IGF2BP2: variants seen among roughly 807,000 people sequenced by gnomAD.
The protein encoded by IGF2BP2 is insulin-like growth factor 2 mRNA-binding protein 2.
IGF2BP2 carries 17 observed loss-of-function variants against 75.8 expected under a neutral mutation model. The observed-to-expected ratio is 0.22, with a 90% CI of 0.15 to 0.34. The LOEUF (loss-of-function observed/expected upper bound fraction) is 0.34. IGF2BP2 is among the 10% of genes least tolerant of loss of function. The probability of loss-of-function intolerance (pLI) is 1.00; values close to 1 mark genes in which losing one functional copy is unlikely to be tolerated. For synonymous variants in IGF2BP2, 288 were observed against 295.6 expected (o/e 0.97, Z 0.26); for missense variants, 516 against 772.4 (o/e 0.67, Z 3.93).
At chr3:185,734,557 AG>A (rs1728608653) in intron 2 of IGF2BP2, among the ~76,000 whole-genome samples, 1 of 152,230 alleles carries the variant, frequency 6.6e-6, no homozygotes, top group Non-Finnish European at 1.5e-5. Flanking sequence ...AACGAGTGAA[AG>A]CTGGTTTTTA....
intron 2 of IGF2BP2, among the ~76,000 whole-genome samples, chr3:185,770,160 C>T (rs1733687038): frequency 6.6e-6 from 1 of 152,180 alleles, no homozygotes; most frequent in African/African-American, 2.4e-5. Context: ...CCTATGTCAA[C>T]AGAATCTACG....
At chr3:185,661,121 A>C (rs1469908229) in intron 10 of IGF2BP2, among the ~76,000 whole-genome samples, 2 of 152,228 alleles carry the variant, frequency 1.3e-5, no homozygotes, top group Non-Finnish European at 2.9e-5. Flanking sequence ...CAGGGAAAGA[A>C]TCTTGAACTT....
intron 2 of IGF2BP2, among the ~76,000 whole-genome samples, chr3:185,750,212 G>C (rs752451880): frequency 6.6e-5 from 10 of 152,304 alleles, no homozygotes; most frequent in East Asian, 5.8e-4. Flanking sequence ...ACAAAGGTCA[G>C]AGAATGCTTA....
chr3:185,699,814 G>A (rs1723053136), intron 2 of IGF2BP2, among the ~76,000 whole-genome samples: 1 of 152,044 alleles, frequency 6.6e-6, no homozygotes, highest in Admixed American at 6.6e-5. Context: ...GGACATTTGG[G>A]CCTTTTCATT....
intron 2 of IGF2BP2, among the ~76,000 whole-genome samples, chr3:185,819,250 A>AATT (rs1358135416): frequency 1.3e-5 from 2 of 152,134 alleles, no homozygotes; most frequent in African/African-American, 4.8e-5. Context: ...CACCTTTTGG[A>AATT]ATTAATGTTT....
chr3:185,695,302 T>C (rs1056750948), intron 4 of IGF2BP2, among the ~76,000 whole-genome samples: 1 of 152,198 alleles, frequency 6.6e-6, no homozygotes, highest in African/African-American at 2.4e-5. Context: ...ATGGGTTGTT[T>C]GCAATTTTTC....
intron 2 of IGF2BP2, among the ~76,000 whole-genome samples, chr3:185,790,974 CT>C (rs775531783): frequency 3.9e-5 from 6 of 152,302 alleles, no homozygotes; most frequent in Non-Finnish European, 8.8e-5. Flanking sequence ...TTTTTCATCA[CT>C]AGCATTTAAG....
chr3:185,705,087 G>T (rs192500367), intron 2 of IGF2BP2, among the ~76,000 whole-genome samples: 6 of 152,296 alleles, frequency 3.9e-5, no homozygotes, highest in Admixed American at 2.6e-4. Context: ...TAAATACTGT[G>T]GTGACCTGCT....
At chr3:185,658,292 C>G in intron 11 of IGF2BP2, 49 bp downstream of exon 11, 1 of 1,556,888 alleles carries the variant, frequency 6.4e-7, no homozygotes. Context: ...CCAAGTGGGC[C>G]TAGCCCCAGG....
intron 7 of IGF2BP2, among the ~76,000 whole-genome samples, chr3:185,686,471 A>T (rs1474348239): frequency 6.6e-6 from 1 of 152,162 alleles, no homozygotes; most frequent in Non-Finnish European, 1.5e-5. Context: ...CCATGTGTAA[A>T]CTAGTTTCTA....
intron 2 of IGF2BP2, among the ~76,000 whole-genome samples, chr3:185,815,124 C>A (rs150969470): frequency 6.6e-6 from 1 of 152,040 alleles, no homozygotes. Flanking sequence ...GTTTTTTACA[C>A]TTAACTGTCA....
At chr3:185,780,165 T>C (rs1188251292) in intron 2 of IGF2BP2, among the ~76,000 whole-genome samples, 1 of 152,194 alleles carries the variant, frequency 6.6e-6, no homozygotes, top group African/African-American at 2.4e-5. Context: ...TGCCTCATTA[T>C]ATATTCTCTC....
intron 2 of IGF2BP2, among the ~76,000 whole-genome samples, chr3:185,822,874 T>A (rs954970609): frequency 1.3e-5 from 2 of 152,014 alleles, no homozygotes; most frequent in African/African-American, 4.8e-5. Flanking sequence ...GAGGCAATTT[T>A]TGATAAACAA....
chr3:185,809,090 G>C (rs554824402), intron 2 of IGF2BP2, among the ~76,000 whole-genome samples: 133 of 150,864 alleles, frequency 8.8e-4, no homozygotes, highest in South Asian at 1.5e-3. Flanking sequence ...ATAGCTAGTT[G>C]GGTTTTTTGT....
intron 2 of IGF2BP2, among the ~76,000 whole-genome samples, chr3:185,706,486 T>C (rs1484965956): frequency 6.6e-6 from 1 of 152,194 alleles, no homozygotes. Context: ...TAGATGTCTG[T>C]GAGAAGACTG....
intron 9 of IGF2BP2, among the ~76,000 whole-genome samples, chr3:185,673,518 C>T (rs1030213895): frequency 1.3e-5 from 2 of 152,156 alleles, no homozygotes; most frequent in African/African-American, 4.8e-5. Flanking sequence ...GCTTATCTTA[C>T]ATTTCTACAT....
intron 10 of IGF2BP2, among the ~76,000 whole-genome samples, chr3:185,664,674 G>A (rs537803297): frequency 6.6e-6 from 1 of 152,288 alleles, no homozygotes; most frequent in African/African-American, 2.4e-5. Context: ...CTCAGTAGAG[G>A]ATGTACAAAT....
At chr3:185,761,980 G>C (rs573791533) in intron 2 of IGF2BP2, among the ~76,000 whole-genome samples, 38 of 152,216 alleles carry the variant, frequency 2.5e-4, no homozygotes, top group Non-Finnish European at 1.6e-4. Context: ...ATAAACTGCT[G>C]TAGATATTCT....
Position 185,689,357 on chromosome 3 carries a change from G to C in IGF2BP2, c.675C>G (p.Ser225=), listed in dbSNP as rs1215603506. 1 of 1,612,640 alleles carries C rather than the reference G, an allele frequency of 6.2e-7. No individual in the cohort carries two copies. Among genetic ancestry groups the C allele is most frequent in the Non-Finnish European group, 8.5e-7 (1 of 1,179,830 alleles). Residue 225 remains serine, a splice_region_variant and synonymous_variant, in exon 6 of 16, where the codon TCC becomes TCG. Coordinates refer to ENST00000382199, the MANE Select transcript of IGF2BP2 (RefSeq NM_006548.6). ...TIKNITKQTQ[S]RVDIHRKENS... ...AAGGAAGCCCCACAGGCACGTACCG[G>C]GACTGGGTCTGCTTAGTGATGTTCT... is the stretch of plus-strand genomic sequence containing the variant.
Sources: gnomAD v4.1 joint callset for allele counts (sites outside exome capture counted in the v4.1 genomes callset) on GRCh38, gnomAD v4.1.1 for gene constraint, MANE v1.5 for transcripts, NCBI Gene and HGNC (gene_info 2026-07-23, HGNC 2026-07-21) for gene names.